The following TBC1D30 variants were observed in gnomAD, a reference collection of about 807,000 sequenced individuals.
TBC1D30 encodes the protein TBC1 domain family, member 30.
Under a neutral mutation model 63.2 loss-of-function variants are expected in TBC1D30, and 31 were observed. The ratio of observed to expected loss-of-function variants is 0.49; its 90% CI spans 0.37 to 0.66. The LOEUF is 0.66. Ranked by LOEUF, TBC1D30 falls within the 30% of genes least tolerant of loss-of-function variation. The pLI, the probability that TBC1D30 is intolerant of heterozygous loss-of-function variation, is 0.00. For missense variants in TBC1D30, 810 were observed against 953.6 expected, an observed-to-expected ratio of 0.85 and a Z score of 1.98; for synonymous variants, 307 against 361.5, an observed-to-expected ratio of 0.85 and a Z score of 1.71.
chr12:64,769,143 G>A (rs556955757), intron 1 of TBC1D30, among the ~76,000 whole-genome samples: 1 of 152,140 alleles, frequency 6.6e-6, no homozygotes, highest in Non-Finnish European at 1.5e-5. Context: ...GGGTGACAAA[G>A]CTGGACCCTG....
chr12:64,780,971 T>A, exon 1 of TBC1D30: 4 of 1,053,400 alleles, frequency 3.8e-6, no homozygotes, highest in Non-Finnish European at 4.6e-6. Flanking sequence ...GCCGCGGCGC[T>A]CCCGGGACAC....
chr12:64,878,759 A>G lies in TBC1D30; in HGVS notation c.*2971A>G. 1 of 342,822 alleles carries G rather than the reference A, an allele frequency of 2.9e-6. No homozygotes were observed. Among genetic ancestry groups the G allele is most frequent in the Admixed American group, 3.8e-5 (1 of 25,992 alleles). 21.2% of individuals were successfully genotyped at this position (342,822 alleles called of 1,614,324 possible). On this transcript the variant is annotated 3_prime_UTR_variant, in exon 12 of 12. Coordinates refer to ENST00000539867, the MANE Select transcript of TBC1D30 (RefSeq NM_015279.2). ...TCACATGAACCAGGGAAACAGCCCAATAAGCTCTATCTCCCCCAGTCTAAT... is the reference window on the plus strand; with the variant it reads ...TCACATGAACCAGGGAAACAGCCCAGTAAGCTCTATCTCCCCCAGTCTAAT...
Position 64,875,163 on chromosome 12 carries a change from A to C in TBC1D30, c.1661A>C (p.Tyr554Ser). The change falls in exon 12 of 12, where the codon TAC (tyrosine) becomes TCC (serine). Residue 554 changes from tyrosine to serine, a missense_variant. Tyr to Ser is a moderately radical substitution (Grantham distance 144, BLOSUM62 -2). Around this residue, in one of 4 missense-constraint regions of TBC1D30, gnomAD observed 450 missense variants for 473.0 expected, o/e 0.95. Transcript: ENST00000539867. ...GGAGGGAAAATATCTCCTGTCCCCT[A>C]CGAAGACCTTAAGACGAAGCTCAAC... ...HTGGKISPVP[Y>S]EDLKTKLNSP... 6.5e-7 allele frequency: 1 copy of C among 1,536,388 alleles called. No individual in the cohort carries two copies. The highest frequency in any genetic ancestry group is 8.7e-7 in the Non-Finnish European group (1 of 1,146,928).
At chr12:64,820,008 G>A (rs1565656105), upstream of TBC1D30, among the ~76,000 whole-genome samples, 1 of 152,196 alleles carries the variant, frequency 6.6e-6, no homozygotes, top group Admixed American at 6.5e-5. Context: ...CTCCGCAGCT[G>A]TACAGATGAG....
chr12:64,763,704 G>A (rs1044373373), intron 1 of TBC1D30, among the ~76,000 whole-genome samples: 3 of 151,352 alleles, frequency 2.0e-5, no homozygotes, highest in Non-Finnish European at 2.9e-5. Context: ...CACCTCTCAG[G>A]TTCAAGCGAT....
intron 8 of TBC1D30, among the ~76,000 whole-genome samples, chr12:64,856,433 T>C (rs1877309545): frequency 1.3e-5 from 2 of 152,232 alleles, no homozygotes; most frequent in African/African-American, 2.4e-5. Context: ...TTTGCAGACT[T>C]GTAGAGGTAC....
chr12:64,772,529 A>C (rs1431692921), intron 1 of TBC1D30, among the ~76,000 whole-genome samples: 1 of 151,972 alleles, frequency 6.6e-6, no homozygotes, highest in Non-Finnish European at 1.5e-5. Context: ...TCCCCGGTTC[A>C]AGCAATTCTT....
chr12:64,760,227 C>G (rs1055162714), intron 1 of TBC1D30, among the ~76,000 whole-genome samples: 1 of 152,092 alleles, frequency 6.6e-6, no homozygotes, highest in African/African-American at 2.4e-5. Context: ...GAAACTAGCT[C>G]CAGATATTTC....
intron 8 of TBC1D30, among the ~76,000 whole-genome samples, chr12:64,855,040 C>T (rs1877182470): frequency 6.6e-6 from 1 of 152,118 alleles, no homozygotes; most frequent in African/African-American, 2.4e-5. Context: ...CTTTATTCTT[C>T]CTTTATGCTT....
intron 5 of TBC1D30, among the ~76,000 whole-genome samples, chr12:64,834,267 T>C (rs919789523): frequency 6.6e-6 from 1 of 152,214 alleles, no homozygotes; most frequent in Non-Finnish European, 1.5e-5. Context: ...AAGTCATAAT[T>C]ACTAAGGAAA....
At position 64,824,920 on chromosome 12, in the gene TBC1D30, G is replaced by T; in HGVS notation, c.41G>T (p.Gly14Val). 1.3e-6 allele frequency: 2 copies of T among 1,534,636 alleles called. No individual in the cohort carries two copies. The highest frequency in any genetic ancestry group is 1.7e-6 in the Non-Finnish European group (2 of 1,146,586). Residue 14 changes from glycine (G) to valine (V), a missense_variant, in exon 1 of 12, where the codon GGG becomes GTG. Gly to Val is a moderately radical substitution (Grantham distance 109, BLOSUM62 -3). Coordinates refer to ENST00000539867, the MANE Select transcript of TBC1D30 (RefSeq NM_015279.2). ...CTGACCGGGTCTCTGAGGCGCGGGG[G>T]GAGATGCCTGAAGCGGCAGGGCGGC... Reference protein sequence around the residue: ...DKLTGSLRRGGRCLKRQGGGV... With the variant: ...DKLTGSLRRGVRCLKRQGGGV...
chr12:64,784,818 A>G (rs1000043396), intron 1 of TBC1D30, among the ~76,000 whole-genome samples: 2 of 152,108 alleles, frequency 1.3e-5, no homozygotes, highest in Non-Finnish European at 2.9e-5. Context: ...GTATACCTGT[A>G]ACAAACCTGC....
chr12:64,844,619 C>T (rs1437835179), intron 8 of TBC1D30, among the ~76,000 whole-genome samples: 2 of 152,172 alleles, frequency 1.3e-5, no homozygotes, highest in Non-Finnish European at 2.9e-5. Context: ...AGGTCTTATT[C>T]ATTCTTTCTA....
intron 8 of TBC1D30, among the ~76,000 whole-genome samples, chr12:64,844,364 A>G (rs1341956700): frequency 6.6e-6 from 1 of 152,198 alleles, no homozygotes; most frequent in South Asian, 2.1e-4. Context: ...TCACTCTTCC[A>G]TTAGATTCTT....
intron 8 of TBC1D30, among the ~76,000 whole-genome samples, chr12:64,863,975 C>T (rs1240295233): frequency 6.6e-6 from 1 of 152,086 alleles, no homozygotes; most frequent in African/African-American, 2.4e-5. Context: ...AGAAAGCAAA[C>T]AATATTACTC....
chr12:64,785,825 G>C, intron 1 of TBC1D30: 1 of 1,233,152 alleles, frequency 8.1e-7, no homozygotes, highest in Non-Finnish European at 1.1e-6. Flanking sequence ...TATCACACTG[G>C]AATTTGTATT....
chr12:64,843,324 G>GCA (rs1876063842), intron 7 of TBC1D30, 56 bp from the exon 8 acceptor site: 1 of 1,436,606 alleles, frequency 7.0e-7, no homozygotes, highest in Admixed American at 2.0e-5. Context: ...AGCATGTACT[G>GCA]TTACACAGCA....
chr12:64,841,737 G>C (rs1321873418), intron 7 of TBC1D30, among the ~76,000 whole-genome samples: 2 of 152,132 alleles, frequency 1.3e-5, no homozygotes, highest in Non-Finnish European at 2.9e-5. Context: ...TTTCTTCCTT[G>C]TCAGCCTGAA....
In TBC1D30 at chr12:64,864,650, T is replaced by G; in HGVS notation, c.1039-18T>G. 1 of 1,511,720 alleles carries G rather than the reference T, an allele frequency of 6.6e-7. No individual in the cohort carries two copies. The allele number at this position is 1,511,720 out of a possible 1,614,324, so 93.6% of individuals were successfully genotyped here. Reference sequence around the variant, plus strand: ...AGGCTACTGTTTCAGACTTGGCATTTTTGCTTTTGTTTTACAGACTGTTTA... The same window carrying G: ...AGGCTACTGTTTCAGACTTGGCATTGTTGCTTTTGTTTTACAGACTGTTTA... On this transcript the variant is annotated intron_variant, in intron 8 of 11. Transcript: ENST00000539867.
Sources: allele counts gnomAD v4.1 joint callset (sites outside exome capture counted in the v4.1 genomes callset), GRCh38; gene constraint gnomAD v4.1.1; regional missense constraint gnomAD v4.1.1; transcripts MANE v1.5; gene names NCBI Gene and HGNC (gene_info 2026-07-23, HGNC 2026-07-21).